SETD5: variants seen among roughly 807,000 people sequenced by gnomAD.
The protein encoded by SETD5 is histone-lysine N-methyltransferase SETD5.
Under a neutral mutation model 153.3 loss-of-function variants are expected in SETD5, and 44 were observed. The observed-to-expected ratio is 0.29, with a 90% CI of 0.23 to 0.37. The LOEUF (loss-of-function observed/expected upper bound fraction) is 0.37, where lower values mean the gene tolerates loss of function less well. Ranked by LOEUF, SETD5 falls within the 10% of genes least tolerant of loss-of-function variation. SETD5 has a pLI of 1.00. For missense variants in SETD5, 1,544 were observed against 1,768.0 expected, an observed-to-expected ratio of 0.87 and a Z score of 2.27; for synonymous variants, 716 against 645.2, an observed-to-expected ratio of 1.11 and a Z score of -1.66.
rs371218876 is a variant in SETD5, at chr3:9,440,575, A to G, written c.687A>G (p.Val229=). Residue 229 remains valine (V), a synonymous_variant, in exon 8 of 23, where the codon GTA becomes GTG. Transcript: ENST00000402198. ...TCACTAATCAGTACAGTGCAGATGT[A>G]CAGAACGCGCTTGAACAACACCTAC... ...EAFTNQYSAD[V]QNALEQHLHS... 1.9e-4 allele frequency: 313 copies of G among 1,613,890 alleles called. 1 individual carries two copies. The highest frequency in any genetic ancestry group is 2.5e-4 in the Non-Finnish European group (297 of 1,179,876).
At chr3:9,453,967 G>A (rs1027374088) in intron 17 of SETD5, 99 bp downstream of exon 17, 42 of 1,304,456 alleles carry the variant, frequency 3.2e-5, no homozygotes, top group Middle Eastern at 1.9e-4. Flanking sequence ...AAGAAATGGC[G>A]TGTTTTCTAA....
At chr3:9,475,245 C>A in intron 22 of SETD5, 89 bp downstream of exon 22, 1 of 1,296,652 alleles carries the variant, frequency 7.7e-7, no homozygotes, top group Non-Finnish European at 1.1e-6. Flanking sequence ...GAGATGCTGT[C>A]TTTGCATATA....
intron 12 of SETD5, 32 bp downstream of exon 12, chr3:9,445,332 G>C: frequency 6.3e-7 from 1 of 1,584,820 alleles, no homozygotes; most frequent in East Asian, 2.3e-5. Context: ...ATGATGCTAT[G>C]GCATCAATCC....
At chr3:9,436,997 A>T in intron 7 of SETD5, 1 of 987,422 alleles carries the variant, frequency 1.0e-6, no homozygotes, top group East Asian at 2.9e-5. Flanking sequence ...TCTGCTTTTC[A>T]TTAGTTTGTA....
chr3:9,462,948 T>A (rs576037726), intron 17 of SETD5, among the ~76,000 whole-genome samples: 57 of 152,062 alleles, frequency 3.7e-4, no homozygotes, highest in African/African-American at 1.1e-3. Context: ...TTTTTTTTTT[T>A]AACTAACACA....
chr3:9,408,000 C>A (rs1282796468), intron 1 of SETD5, among the ~76,000 whole-genome samples: 3 of 149,518 alleles, frequency 2.0e-5, no homozygotes. Context: ...AACTATGTCT[C>A]AAAAAAAAAA....
intron 1 of SETD5, among the ~76,000 whole-genome samples, chr3:9,416,343 C>T (rs2037458966): frequency 1.3e-5 from 2 of 152,092 alleles, no homozygotes; most frequent in Non-Finnish European, 2.9e-5. Context: ...TCACTGTCTG[C>T]CTGCTTTGGG....
chr3:9,418,290 T>G (rs569308911), intron 1 of SETD5, among the ~76,000 whole-genome samples: 5 of 152,324 alleles, frequency 3.3e-5, no homozygotes, highest in Non-Finnish European at 5.9e-5. Flanking sequence ...CAGTCAGACC[T>G]CTACAGATGC....
Position 9,475,812 on chromosome 3 carries a change from G to A in SETD5, c.4050G>A (p.Gln1350=). ...CTAGTGCTGCTAGCCCTACCCTGCA[G>A]GGACCCTCAGACTCGCCAACCTCAG... ...CPSSAASPTL[Q]GPSDSPTSDS... The change falls in exon 23 of 23, where the codon CAG becomes CAA. Residue 1350 remains glutamine, a synonymous_variant. Coordinates refer to ENST00000402198, the MANE Select transcript of SETD5 (RefSeq NM_001080517.3). 2 of 1,614,034 alleles carry A rather than the reference G, an allele frequency of 1.2e-6. No homozygotes were observed. The highest frequency in any genetic ancestry group is 4.5e-5 in the East Asian group (2 of 44,882).
chr3:9,450,040 A>G (rs955663831), intron 16 of SETD5, among the ~76,000 whole-genome samples: 5 of 152,192 alleles, frequency 3.3e-5, no homozygotes, highest in Non-Finnish European at 4.4e-5. Context: ...CTTCTTGATA[A>G]TTCTAATGCT....
intron 1 of SETD5, among the ~76,000 whole-genome samples, chr3:9,405,505 C>A (rs981163848): frequency 6.6e-6 from 1 of 151,994 alleles, no homozygotes; most frequent in African/African-American, 2.4e-5. Context: ...CCCATACCAC[C>A]CCCACAAAGG....
At chr3:9,458,483 G>A (rs1463835130) in intron 17 of SETD5, among the ~76,000 whole-genome samples, 2 of 152,156 alleles carry the variant, frequency 1.3e-5, no homozygotes, top group Non-Finnish European at 2.9e-5. Flanking sequence ...AGGCATGATG[G>A]TGGGTTGCCT....
chr3:9,412,704 C>G (rs2036790918), intron 1 of SETD5, among the ~76,000 whole-genome samples: 1 of 151,768 alleles, frequency 6.6e-6, no homozygotes, highest in African/African-American at 2.4e-5. Flanking sequence ...AGCCATCAGG[C>G]CCAGCCCACA....
intron 1 of SETD5, among the ~76,000 whole-genome samples, chr3:9,413,416 A>G (rs927125871): frequency 1.3e-5 from 2 of 152,190 alleles, no homozygotes; most frequent in East Asian, 3.9e-4. Flanking sequence ...ATATCAGACC[A>G]TATTTAAGGA....
intron 1 of SETD5, among the ~76,000 whole-genome samples, chr3:9,408,271 C>T (rs1009159857): frequency 6.6e-6 from 1 of 152,150 alleles, no homozygotes; most frequent in African/African-American, 2.4e-5. Flanking sequence ...CCTCTCTGAA[C>T]CCCCATTTCC....
chr3:9,448,389 A>G lies in SETD5; in HGVS notation c.2105A>G (p.Tyr702Cys). 7 of 1,613,468 alleles carry G rather than the reference A, an allele frequency of 4.3e-6. No individual in the cohort carries two copies. Among genetic ancestry groups the G allele is most frequent in the African/African-American group, 1.3e-5 (1 of 75,006 alleles). The change falls in exon 16 of 23, where the codon TAT becomes TGT. Residue 702 changes from tyrosine to cysteine, a missense_variant and splice_region_variant. By Grantham distance (194) the Tyr-to-Cys change is radical. Around this residue, in one of 9 missense-constraint regions of SETD5, gnomAD observed 782 missense variants for 787.2 expected, o/e 0.99. Transcript: ENST00000402198. ...AASKYPKTKK[Y>C]LVTEWLNDKA... Reference sequence around the variant, plus strand: ...CTAATGATCTCTTTTTTACCTTAGTATCTAGTTACAGAATGGTTGAATGAC... The same window carrying G: ...CTAATGATCTCTTTTTTACCTTAGTGTCTAGTTACAGAATGGTTGAATGAC...
rs1446027120 is a variant in SETD5, at chr3:9,434,542, C to A, written c.329+57C>A. 108 of 1,607,294 alleles carry A rather than the reference C, an allele frequency of 6.7e-5. No homozygotes were observed. The highest frequency in any genetic ancestry group is 8.4e-5 in the Non-Finnish European group (99 of 1,176,304). On this transcript the variant is annotated intron_variant, in intron 5 of 22. Transcript: ENST00000402198. The surrounding 1 kb of genome is among the most constrained non-coding windows in gnomAD (Gnocchi z 5.6). ...GGGTTGCTGGGATTAGGGTTTCTTA[C>A]AAGTAGGGAAAAGCTCAAAGTATTC...
chr3:9,446,086 G>A (rs564951828), intron 13 of SETD5, among the ~76,000 whole-genome samples: 8 of 150,262 alleles, frequency 5.3e-5, no homozygotes, highest in African/African-American at 1.7e-4. Context: ...AGGAGATCGA[G>A]ACCATCCTCG....
chr3:9,445,425 G>A, intron 12 of SETD5, 125 bp downstream of exon 12: 6 of 1,083,636 alleles, frequency 5.5e-6, no homozygotes, highest in Non-Finnish European at 6.7e-6. Context: ...TATCAATGTG[G>A]GTTTATTGTG....
Sources: allele counts gnomAD v4.1 joint callset (sites outside exome capture counted in the v4.1 genomes callset), GRCh38; gene constraint gnomAD v4.1.1; regional missense constraint gnomAD v4.1.1; non-coding constraint Gnocchi (gnomAD v3.1); transcripts MANE v1.5; gene names NCBI Gene and HGNC (gene_info 2026-07-23, HGNC 2026-07-21).